Variants in AATK observed in about 807,000 individuals in gnomAD.
AATK encodes serine/threonine-protein kinase LMTK1.
AATK carries 91 observed loss-of-function variants against 114.3 expected under a neutral mutation model. The ratio of observed to expected loss-of-function variants is 0.80; its 90% confidence interval spans 0.67 to 0.95. The LOEUF (loss-of-function observed/expected upper bound fraction) is 0.95, where lower values mean the gene tolerates loss of function less well. Ranked by LOEUF, AATK falls within the 40% of genes least tolerant of loss-of-function variation. AATK has a pLI of 0.00. For synonymous variants in AATK, 1,075 were observed against 916.5 expected (o/e 1.17, Z -3.12); for missense variants, 2,176 against 1,965.2 (o/e 1.11, Z -2.03).
intron 1 of AATK, among the ~76,000 whole-genome samples, chr17:81,162,196 T>G (rs946548818): frequency 1.3e-5 from 2 of 151,766 alleles, no homozygotes; most frequent in Non-Finnish European, 2.9e-5. Context: ...CCAAGGCCAC[T>G]GTCCACACAG....
chr17:81,131,015 C>G, intron 3 of AATK, 46 bp downstream of exon 3: 1 of 1,534,916 alleles, frequency 6.5e-7, no homozygotes, highest in Non-Finnish European at 8.7e-7. Flanking sequence ...CGCCCAGCAC[C>G]TGGGCCCCGG....
intron 1 of AATK, among the ~76,000 whole-genome samples, chr17:81,156,732 T>C (rs965714074): frequency 2.6e-5 from 4 of 152,242 alleles, no homozygotes; most frequent in Non-Finnish European, 4.4e-5. Context: ...AATCATTTTT[T>C]TCCTGAATTC....
chr17:81,139,733 G>T (rs1371899964), intron 1 of AATK, among the ~76,000 whole-genome samples: 3 of 152,234 alleles, frequency 2.0e-5, no homozygotes, highest in Admixed American at 2.0e-4. Flanking sequence ...CCACTGCGCT[G>T]CTGAGGCTGT....
chr17:81,119,241 GGAGCGGGGCCGGGA>G lies in AATK; in HGVS notation c.4084+125_4084+138del, dbSNP rs1361596123. The G allele has an allele frequency of 2.9e-4, 67 of 227,722 alleles. No individual in the cohort carries two copies. The Middle Eastern group carries it at 3.5e-3, about 12-fold the overall frequency. The allele number at this position is 227,722 out of a possible 1,614,324, so 14.1% of individuals were successfully genotyped here. On this transcript the variant is annotated intron_variant, in intron 13 of 13. Transcript: ENST00000326724. Reference sequence around the variant, plus strand: ...TCCAGGCTAGGTCTGGGGCCGGGAAGGAGCGGGGCCGGGAAGGAGCGGAGCGGAGCGGAGCCGGG... The same window carrying G: ...TCCAGGCTAGGTCTGGGGCCGGGAAGAGGAGCGGAGCGGAGCGGAGCCGGG...
intron 12 of AATK, 38 bp from the exon 13 acceptor site, chr17:81,119,618 C>G (rs906753701): frequency 2.0e-6 from 3 of 1,527,162 alleles, no homozygotes; most frequent in Non-Finnish European, 2.6e-6. Flanking sequence ...CGCTCACAGC[C>G]TGGGACCCCG....
At chr17:81,130,323 C>T (rs981032491) in intron 3 of AATK, among the ~76,000 whole-genome samples, 3 of 152,160 alleles carry the variant, frequency 2.0e-5, no homozygotes, top group African/African-American at 7.2e-5. Context: ...TGGAGGGACC[C>T]GCACCCACCA....
rs559918127 is a variant in AATK, at chr17:81,165,994, G to T, written c.-2C>A. ...GGGGTTGAAGAAGGACGACGACATG[G>T]CCGGGCCAGCGGCCGGCGGGCATCC... is the stretch of plus-strand genomic sequence containing the variant. On this transcript the variant is annotated 5_prime_UTR_variant, in exon 1 of 14. Coordinates refer to ENST00000326724, the MANE Select transcript of AATK (RefSeq NM_001080395.3). 3.4e-5 allele frequency: 53 copies of T among 1,571,110 alleles called. 1 individual carries two copies. In the South Asian group the frequency reaches 5.7e-4, roughly 17 times the overall value.
chr17:81,151,205 G>C (rs2061290265), intron 1 of AATK, among the ~76,000 whole-genome samples: 1 of 152,030 alleles, frequency 6.6e-6, no homozygotes, highest in Admixed American at 6.6e-5. Context: ...CAGAGACACA[G>C]AGTCACTTTT....
chr17:81,125,708 G>A (rs538977268), intron 7 of AATK, among the ~76,000 whole-genome samples: 2 of 152,064 alleles, frequency 1.3e-5, no homozygotes, highest in Non-Finnish European at 2.9e-5. Flanking sequence ...CAGGACTCAG[G>A]GTGGGGACAG....
chr17:81,122,678 C>G lies in AATK; in HGVS notation c.1258G>C (p.Gly420Arg). ...FERRWRSLRP[G>R]GGGVGPGPGA... is the part of the protein sequence containing the mutation. ...GGCCCGGGCCCCACGCCGCCCCCGC[C>G]GGGCCGCAGAGAGCGCCAGCGCCGT... is the stretch of plus-strand genomic sequence containing the variant. Residue 420 changes from glycine to arginine, a missense_variant, in exon 11 of 14, where the codon GGC becomes CGC. Coordinates refer to ENST00000326724, the MANE Select transcript of AATK (RefSeq NM_001080395.3). 6.6e-7 allele frequency: 1 copy of G among 1,525,374 alleles called. No individual in the cohort carries two copies. Among genetic ancestry groups the G allele is most frequent in the Non-Finnish European group, 8.8e-7 (1 of 1,133,858 alleles). The allele number at this position is 1,525,374 out of a possible 1,614,324, so 94.5% of individuals were successfully genotyped here.
chr17:81,137,507 T>G (rs540947901), intron 1 of AATK, among the ~76,000 whole-genome samples: 1 of 152,198 alleles, frequency 6.6e-6, no homozygotes, highest in African/African-American at 2.4e-5. Context: ...GCCTCTGCAT[T>G]CCTGGAGCCT....
rs2060776100 is a variant in AATK, at chr17:81,124,867, G to A, written c.841-19C>T. On this transcript the variant is annotated intron_variant, in intron 8 of 13. Coordinates refer to ENST00000326724, the MANE Select transcript of AATK (RefSeq NM_001080395.3). ...AGTCCTCCTGTTGGCACAGGGACGG[G>A]TCACCCCTGCCGGCGCAGGCCCTGC... is the stretch of plus-strand genomic sequence containing the variant. 6.3e-7 allele frequency: 1 copy of A among 1,595,346 alleles called. No homozygotes were observed. Among genetic ancestry groups the A allele is most frequent in the African/African-American group, 1.3e-5 (1 of 74,548 alleles).
At chr17:81,146,602 G>C (rs1202085156) in intron 1 of AATK, among the ~76,000 whole-genome samples, 1 of 152,126 alleles carries the variant, frequency 6.6e-6, no homozygotes, top group Non-Finnish European at 1.5e-5. Flanking sequence ...TGTAGTCCCA[G>C]CTACTCGGGA....
In AATK at chr17:81,166,150, C is replaced by A; in HGVS notation, c.-158G>T. The A allele has an allele frequency of 3.9e-6, 1 of 255,196 alleles. No homozygotes were observed. The highest frequency in any genetic ancestry group is 6.0e-6 in the Non-Finnish European group (1 of 167,038). The allele number at this position is 255,196 out of a possible 1,614,324, so 15.8% of individuals were successfully genotyped here. A position where few individuals can be genotyped will look rare whatever the true frequency, so the allele number is the denominator to read the frequency against. Reference sequence around the variant, plus strand: ...CCCGCCGCAGCCGCAGAGCCCGCACCGGTGGGGGCGGCGGCGACAGACGAG... The same window carrying A: ...CCCGCCGCAGCCGCAGAGCCCGCACAGGTGGGGGCGGCGGCGACAGACGAG... On this transcript the variant is annotated 5_prime_UTR_variant, in exon 1 of 14. Transcript: ENST00000326724.
chr17:81,130,631 G>A (rs1476016743), intron 3 of AATK, among the ~76,000 whole-genome samples: 8 of 152,298 alleles, frequency 5.3e-5, no homozygotes, highest in African/African-American at 1.9e-4. Flanking sequence ...CAAGGGGGCA[G>A]GAATCTGGGG....
Position 81,122,306 on chromosome 17 carries a change from C to T in AATK, c.1630G>A (p.Asp544Asn), listed in dbSNP as rs779969279. ...LEEAAPAAGH[D>N]PDCAGCAPSP... The stretch of plus-strand genomic sequence containing the variant: ...GGGGCGCAGCCGGCGCAGTCAGGGT[C>T]GTGGCCGGCGGCGGGTGCGGCCTCC... The change falls in exon 11 of 14, where the codon GAC becomes AAC. Residue 544 changes from aspartate to asparagine, a missense_variant. Asp to Asn is a conservative substitution (Grantham distance 23). Coordinates refer to ENST00000326724, the MANE Select transcript of AATK (RefSeq NM_001080395.3). 9.9e-6 allele frequency: 15 copies of T among 1,509,832 alleles called. No individual in the cohort carries two copies. In the South Asian group the frequency reaches 1.5e-4, roughly 15 times the overall value. 93.5% of individuals were successfully genotyped at this position (1,509,832 alleles called of 1,614,324 possible). A position where few individuals can be genotyped will look rare whatever the true frequency, so the allele number is the denominator to read the frequency against.
intron 1 of AATK, among the ~76,000 whole-genome samples, chr17:81,140,877 G>GCCGTGGGGA (rs1228515055): frequency 1.4e-5 from 2 of 144,892 alleles, no homozygotes; most frequent in Admixed American, 1.4e-4. Context: ...GAGCCGTGGG[G>GCCGTGGGGA]CCGTGGGGAC....
At position 81,126,815 on chromosome 17, in the gene AATK, G is replaced by A. The variant is rs1175674298; in HGVS notation, c.622-255C>T. On this transcript the variant is annotated intron_variant, in intron 6 of 13. Transcript: ENST00000326724. This position sits in a 1 kb window ranked among gnomAD's most constrained non-coding sequence, Gnocchi z 5.1. ...CAGCCCCGGGCAGCAGGAGTCCCTT[G>A]GCCTGTGGTAGAGAGAGAAACACAG... 7.4e-7 allele frequency: 1 copy of A among 1,352,564 alleles called. No homozygotes were observed. Among genetic ancestry groups the A allele is most frequent in the Non-Finnish European group, 9.5e-7 (1 of 1,051,420 alleles). The allele number at this position is 1,352,564 out of a possible 1,614,324, so 83.8% of individuals were successfully genotyped here.
intron 9 of AATK, among the ~76,000 whole-genome samples, chr17:81,123,793 G>C (rs918672520): frequency 2.6e-5 from 4 of 152,162 alleles, no homozygotes; most frequent in African/African-American, 9.7e-5. Context: ...GGGCAGGGCT[G>C]GGTAACAGGC....
Sources: allele counts gnomAD v4.1 joint callset (sites outside exome capture counted in the v4.1 genomes callset), GRCh38; gene constraint gnomAD v4.1.1; non-coding constraint Gnocchi (gnomAD v3.1); transcripts MANE v1.5; gene names NCBI Gene and HGNC (gene_info 2026-07-23, HGNC 2026-07-21).